Variants in LY75 observed in about 807,000 individuals in gnomAD.
LY75 encodes C-type lectin domain family 13 member B.
LY75 carries 185 observed loss-of-function variants against 231.7 expected under a neutral mutation model. The ratio of observed to expected loss-of-function variants is 0.80; its 90% CI spans 0.71 to 0.90. The LOEUF is 0.90. Among genes scored for constraint, LY75 ranks in the 40% least tolerant of loss-of-function variants. The pLI, the probability that LY75 is intolerant of heterozygous loss-of-function variation, is 0.00. For synonymous variants in LY75, 668 were observed against 689.0 expected, an observed-to-expected ratio of 0.97 and a Z score of 0.48; for missense variants, 1,947 against 2,050.2, an observed-to-expected ratio of 0.95 and a Z score of 0.97.
At chr2:159,898,616 A>C (rs763272375) in intron 2 of LY75, 72 bp downstream of exon 2, 5 of 1,545,254 alleles carry the variant, frequency 3.2e-6, no homozygotes, top group Non-Finnish European at 4.4e-6. Flanking sequence ...ATTTTTACTA[A>C]ATTGTGCATG....
At chr2:159,865,650 G>T (rs990955577) in intron 13 of LY75, among the ~76,000 whole-genome samples, 4 of 152,146 alleles carry the variant, frequency 2.6e-5, no homozygotes, top group African/African-American at 9.6e-5. Context: ...TGACACAAAA[G>T]TTCAGAGAAA....
At chr2:159,898,592 T>G (rs1019480810) in intron 2 of LY75, 96 bp downstream of exon 2, 1 of 1,522,424 alleles carries the variant, frequency 6.6e-7, no homozygotes, top group African/African-American at 1.4e-5. Flanking sequence ...CTGCCCTTAC[T>G]AATGTACGAC....
chr2:159,808,768 G>A (rs781191621), intron 32 of LY75, among the ~76,000 whole-genome samples, 197 bp from the exon 33 acceptor site: 3 of 152,056 alleles, frequency 2.0e-5, no homozygotes, highest in Non-Finnish European at 2.9e-5. Context: ...TTCCAAACAC[G>A]TATAAAGAAA....
intron 28 of LY75, among the ~76,000 whole-genome samples, chr2:159,825,991 C>A (rs1017311315): frequency 6.6e-6 from 1 of 152,152 alleles, no homozygotes; most frequent in Non-Finnish European, 1.5e-5. Context: ...AAACCCACAG[C>A]CAGTATCATA....
intron 3 of LY75, among the ~76,000 whole-genome samples, chr2:159,893,189 T>C (rs1044351660): frequency 2.6e-5 from 4 of 152,196 alleles, no homozygotes; most frequent in African/African-American, 9.7e-5. Flanking sequence ...CAGGCCAGTT[T>C]CAATCTTTAA....
chr2:159,849,697 GT>G (rs1376763450), intron 23 of LY75, among the ~76,000 whole-genome samples: 1 of 152,084 alleles, frequency 6.6e-6, no homozygotes, highest in Non-Finnish European at 1.5e-5. Flanking sequence ...ATATTCAATA[GT>G]TTTTAGTATA....
intron 14 of LY75, among the ~76,000 whole-genome samples, chr2:159,862,071 C>T (rs372218378): frequency 2.0e-5 from 3 of 151,962 alleles, no homozygotes; most frequent in Admixed American, 6.6e-5. Context: ...GAGGCTGAGG[C>T]GGGTGGATCA....
intron 23 of LY75, 118 bp from the exon 24 acceptor site, chr2:159,842,492 C>A: frequency 7.9e-7 from 1 of 1,263,634 alleles, no homozygotes. Context: ...CCATGAAGGA[C>A]CTGACCATGA....
chr2:159,821,699 A>G (rs1419150305), intron 28 of LY75, among the ~76,000 whole-genome samples: 1 of 152,138 alleles, frequency 6.6e-6, no homozygotes, highest in East Asian at 1.9e-4. Context: ...GCCTTCTTAC[A>G]TATGCACAAA....
intron 17 of LY75, 93 bp downstream of exon 17, chr2:159,854,811 T>C (rs778548560): frequency 6.5e-7 from 1 of 1,530,354 alleles, no homozygotes; most frequent in Non-Finnish European, 8.9e-7. Context: ...CTTGAAGATG[T>C]ATAGAGAAGA....
chr2:159,878,740 A>ATT lies in LY75; in HGVS notation c.1516-21_1516-20dup. 1 of 1,613,064 alleles carries ATT rather than the reference A, an allele frequency of 6.2e-7. No individual in the cohort carries two copies. The highest frequency in any genetic ancestry group is 1.1e-5 in the South Asian group (1 of 91,034). ...TCCAGCCCTAAGTCAGAGGAAAAAT[A>ATT]TTGTCAAACTCTTTTCCAGACTTGA... On this transcript the variant is annotated intron_variant, in intron 9 of 34. Transcript: ENST00000263636.
chr2:159,883,282 TAAA>T (rs1018177547), intron 6 of LY75, among the ~76,000 whole-genome samples: 1 of 136,740 alleles, frequency 7.3e-6, no homozygotes, highest in African/African-American at 2.8e-5. Context: ...AAAGTATAAT[TAAA>T]AAAAAAAAGA....
intron 32 of LY75, among the ~76,000 whole-genome samples, chr2:159,809,118 G>A (rs979253330): frequency 2.6e-5 from 4 of 152,088 alleles, no homozygotes; most frequent in African/African-American, 9.7e-5. Flanking sequence ...AAAAGTTCCC[G>A]GTAACTACAA....
intron 31 of LY75, 152 bp downstream of exon 31, chr2:159,815,253 G>A (rs1013851191): frequency 2.0e-5 from 18 of 881,508 alleles, no homozygotes; most frequent in African/African-American, 3.5e-5. Flanking sequence ...CGCACGCCTC[G>A]GCCTCCCAAA....
Position 159,807,076 on chromosome 2 carries a change from CTTACTT to C in LY75, c.4881_4886del (p.Lys1629_Ser1630del), listed in dbSNP as rs767612887. On this transcript the variant is annotated inframe_deletion, in exon 34 of 35. Coordinates refer to ENST00000263636, the MANE Select transcript of LY75 (RefSeq NM_002349.4). ...ACATGCTACATCTTCCAACACCACT[CTTACTT>C]TTATTTTCCCATTTGACAAATGTCA... is the stretch of plus-strand genomic sequence containing the variant. 9.9e-6 allele frequency: 16 copies of C among 1,613,936 alleles called. No homozygotes were observed. In the South Asian group the frequency reaches 1.6e-4, roughly 17 times the overall value.
At chr2:159,885,514 T>C (rs1053170659) in intron 5 of LY75, among the ~76,000 whole-genome samples, 3 of 152,172 alleles carry the variant, frequency 2.0e-5, no homozygotes, top group African/African-American at 4.8e-5. Flanking sequence ...TCATGATATG[T>C]TGTAGTTAAT....
intron 28 of LY75, among the ~76,000 whole-genome samples, chr2:159,830,050 A>G (rs1683601128): frequency 6.6e-6 from 1 of 152,212 alleles, no homozygotes; most frequent in Non-Finnish European, 1.5e-5. Flanking sequence ...ATTCAAGGGT[A>G]GTTAAGTGTC....
At chr2:159,867,843 T>C (rs981602647) in intron 13 of LY75, among the ~76,000 whole-genome samples, 55 of 152,246 alleles carry the variant, frequency 3.6e-4, no homozygotes, top group Admixed American at 3.4e-3. Context: ...CCATTAAGAG[T>C]TGCAAAGATC....
intron 28 of LY75, among the ~76,000 whole-genome samples, chr2:159,822,829 G>C (rs959056191): frequency 2.0e-5 from 3 of 152,194 alleles, no homozygotes; most frequent in African/African-American, 7.2e-5. Flanking sequence ...TAGGCAAACA[G>C]AGTCGGGTAG....
Sources: gnomAD v4.1 joint callset for allele counts (sites outside exome capture counted in the v4.1 genomes callset) on GRCh38, gnomAD v4.1.1 for gene constraint, MANE v1.5 for transcripts, NCBI Gene and HGNC (gene_info 2026-07-23, HGNC 2026-07-21) for gene names.